Variants in BMP2K observed in about 807,000 individuals in gnomAD.
BMP2K encodes the protein BMP-2-inducible protein kinase.
Under a neutral mutation model 116.0 loss-of-function variants are expected in BMP2K, and 74 were observed. The observed-to-expected ratio is 0.64, with a 90% CI of 0.53 to 0.77. The LOEUF (loss-of-function observed/expected upper bound fraction) is 0.77, where lower values mean the gene tolerates loss of function less well. BMP2K is among the 30% of genes least tolerant of loss of function. The pLI is 0.00. For missense variants in BMP2K, 1,365 were observed against 1,403.6 expected, an observed-to-expected ratio of 0.97 and a Z score of 0.44; for synonymous variants, 486 against 502.5, an observed-to-expected ratio of 0.97 and a Z score of 0.44.
intron 9 of BMP2K, among the ~76,000 whole-genome samples, chr4:78,862,337 G>T (rs974669169): frequency 2.0e-5 from 3 of 152,046 alleles, no homozygotes; most frequent in Non-Finnish European, 4.4e-5. Flanking sequence ...TGTGGAGGAG[G>T]GGAAAGACTG....
Position 78,826,096 on chromosome 4 carries a change from C to T in BMP2K, c.238C>T (p.Arg80Ter), listed in dbSNP as rs757635159. 4 of 1,613,996 alleles carry T rather than the reference C, an allele frequency of 2.5e-6. No individual in the cohort carries two copies. The highest frequency in any genetic ancestry group is 3.4e-6 in the Non-Finnish European group (4 of 1,179,964). Residue 80 changes from arginine (R) to a stop codon, truncating the protein, a stop_gained, in exon 2 of 16, where the codon CGA (arginine) becomes TGA (stop). Coordinates refer to ENST00000502613, the MANE Select transcript of BMP2K (RefSeq NM_198892.2). LOFTEE classifies it high-confidence loss of function. ...CGGTGGAATCCGATGTGCATTGAAG[C>T]GAATGTATGTCAATAACATGCCAGA... ...THGGIRCALK[R>*]MYVNNMPDLN... is the part of the protein sequence containing the mutation.
At chr4:78,809,158 A>C (rs1468969665) in intron 1 of BMP2K, among the ~76,000 whole-genome samples, 2 of 152,102 alleles carry the variant, frequency 1.3e-5, no homozygotes, top group East Asian at 3.9e-4. Context: ...TGTTTGTAAT[A>C]TATCTTTCTG....
intron 14 of BMP2K, among the ~76,000 whole-genome samples, chr4:78,884,291 C>T (rs777257896): frequency 8.5e-5 from 13 of 152,124 alleles, no homozygotes; most frequent in South Asian, 2.1e-4. Context: ...CATGCCACTG[C>T]GCTCTAGGTT....
At position 78,776,670 on chromosome 4, in the gene BMP2K, G is replaced by T; in HGVS notation, c.127G>T (p.Val43Leu). 1 of 1,241,244 alleles carries T rather than the reference G, an allele frequency of 8.1e-7. No individual in the cohort carries two copies. Among genetic ancestry groups the T allele is most frequent in the Non-Finnish European group, 1.0e-6 (1 of 988,536 alleles). 76.9% of individuals were successfully genotyped at this position (1,241,244 alleles called of 1,614,324 possible). A position where few individuals can be genotyped will look rare whatever the true frequency, so the allele number is the denominator to read the frequency against. The change falls in exon 1 of 16, where the codon GTG (valine) becomes TTG (leucine). Residue 43 changes from valine (V) to leucine (L), a missense_variant. Coordinates refer to ENST00000502613, the MANE Select transcript of BMP2K (RefSeq NM_198892.2). ...GSGGSSVGVR[V>L]FAVGRHQVTL... ...CGGCGGCTCGTCCGTGGGGGTCCGGGTGTTCGCGGTCGGCCGCCACCAGGT... is the reference window on the plus strand; with the variant it reads ...CGGCGGCTCGTCCGTGGGGGTCCGGTTGTTCGCGGTCGGCCGCCACCAGGT...
intron 10 of BMP2K, among the ~76,000 whole-genome samples, chr4:78,866,513 T>C (rs1732057663): frequency 6.6e-6 from 1 of 152,168 alleles, no homozygotes; most frequent in Non-Finnish European, 1.5e-5. Flanking sequence ...CCTATCTTAA[T>C]AGGATTATTG....
At chr4:78,816,096 G>A (rs1413397692) in intron 1 of BMP2K, among the ~76,000 whole-genome samples, 1 of 152,056 alleles carries the variant, frequency 6.6e-6, no homozygotes, top group South Asian at 2.1e-4. Flanking sequence ...AGCGTTCCAC[G>A]TCTAGCTTTG....
chr4:78,850,924 G>A lies in BMP2K; in HGVS notation c.751G>A (p.Ala251Thr), dbSNP rs1375345867. The A allele has an allele frequency of 6.2e-7, 1 of 1,610,772 alleles. No individual in the cohort carries two copies. The highest frequency in any genetic ancestry group is 8.5e-7 in the Non-Finnish European group (1 of 1,178,284). ...KPITTKADIW[A>T]LGCLLYKLCF... Reference sequence around the variant, plus strand: ...ATATTTATGCTTCTTTGGTTTACAGGCACTGGGATGTCTACTCTATAAACT... The same window carrying A: ...ATATTTATGCTTCTTTGGTTTACAGACACTGGGATGTCTACTCTATAAACT... Residue 251 changes from alanine (A) to threonine (T), a missense_variant and splice_region_variant, in exon 7 of 16, where the codon GCA (alanine) becomes ACA (threonine). Around this residue, in one of 3 missense-constraint regions of BMP2K, gnomAD observed 762 missense variants for 756.7 expected, o/e 1.01. Coordinates refer to ENST00000502613, the MANE Select transcript of BMP2K (RefSeq NM_198892.2).
chr4:78,901,615 T>C (rs1322798403), intron 15 of BMP2K, among the ~76,000 whole-genome samples: 1 of 152,176 alleles, frequency 6.6e-6, no homozygotes, highest in Non-Finnish European at 1.5e-5. Context: ...ATGGTATTCA[T>C]TCCCTTTCCT....
intron 15 of BMP2K, among the ~76,000 whole-genome samples, chr4:78,905,049 AT>A (rs942286981): frequency 7.3e-5 from 11 of 151,504 alleles, no homozygotes; most frequent in African/African-American, 1.5e-4. Flanking sequence ...TCCTATTTTG[AT>A]TTTTTTTCAC....
intron 1 of BMP2K, among the ~76,000 whole-genome samples, chr4:78,816,090 T>C (rs1729336390): frequency 6.6e-6 from 1 of 152,170 alleles, no homozygotes; most frequent in South Asian, 2.1e-4. Flanking sequence ...TTGTATAGCG[T>C]TCCACGTCTA....
At chr4:78,901,092 G>T (rs1577975727) in intron 15 of BMP2K, among the ~76,000 whole-genome samples, 1 of 152,140 alleles carries the variant, frequency 6.6e-6, no homozygotes, top group Non-Finnish European at 1.5e-5. Context: ...GCCCAGGCTG[G>T]AGTGCAGTGG....
At chr4:78,839,144 A>G (rs1374668486) in intron 3 of BMP2K, among the ~76,000 whole-genome samples, 4 of 152,194 alleles carry the variant, frequency 2.6e-5, no homozygotes, top group African/African-American at 9.7e-5. Flanking sequence ...TCCATGGGCC[A>G]GCTGCTTTCA....
rs770620988 is a variant in BMP2K, at chr4:78,904,674, A to T, written c.2063-5936A>T. Among the ~76,000 whole-genome samples, 58 of 151,988 alleles carry T rather than the reference A, an allele frequency of 3.8e-4. 2 individuals are homozygous for T. The highest frequency in any genetic ancestry group is 3.1e-4 in the Non-Finnish European group (21 of 67,852). On this transcript the variant is annotated intron_variant, in intron 15 of 15. Transcript: ENST00000502613. ...GGATTTGCTCTCATTTTCAGATAGT[A>T]GAATTCAGCAGAAGTAAAGAATTGA...
intron 13 of BMP2K, among the ~76,000 whole-genome samples, chr4:78,877,844 C>T (rs1051930782): frequency 2.6e-5 from 4 of 152,090 alleles, no homozygotes; most frequent in East Asian, 1.9e-4. Context: ...ACAATGGCTA[C>T]GATATCACTA....
intron 1 of BMP2K, among the ~76,000 whole-genome samples, chr4:78,822,809 G>A (rs1372231452): frequency 1.3e-5 from 2 of 152,120 alleles, no homozygotes; most frequent in Non-Finnish European, 2.9e-5. Context: ...AAGTACCTGA[G>A]TGAGTGATGA....
chr4:78,829,014 AAAT>A (rs1730020146), intron 2 of BMP2K, among the ~76,000 whole-genome samples: 1 of 152,182 alleles, frequency 6.6e-6, no homozygotes, highest in Non-Finnish European at 1.5e-5. Context: ...GGTAGGATAT[AAAT>A]AACTCCCACA....
At chr4:78,871,106 G>C (rs1413254883) in intron 11 of BMP2K, 46 bp downstream of exon 11, 1 of 1,584,418 alleles carries the variant, frequency 6.3e-7, no homozygotes, top group Non-Finnish European at 8.5e-7. Context: ...TGAAATTGAT[G>C]CAGCAAATTG....
At chr4:78,852,792 A>G (rs867092379) in intron 7 of BMP2K, among the ~76,000 whole-genome samples, 2 of 151,928 alleles carry the variant, frequency 1.3e-5, no homozygotes, top group African/African-American at 4.8e-5. Context: ...TTTTGTAGAG[A>G]TTGGGTTTTG....
chr4:78,865,783 G>A, intron 10 of BMP2K, 63 bp downstream of exon 10: 4 of 1,528,500 alleles, frequency 2.6e-6, no homozygotes, highest in Non-Finnish European at 3.6e-6. Context: ...TTCATGATTT[G>A]ATTTCCTGAC....
Sources: gnomAD v4.1 joint callset for allele counts (sites outside exome capture counted in the v4.1 genomes callset) on GRCh38, gnomAD v4.1.1 for gene constraint, gnomAD v4.1.1 regional missense constraint, MANE v1.5 for transcripts, NCBI Gene and HGNC (gene_info 2026-07-23, HGNC 2026-07-21) for gene names.